Variants in GNG7 observed in about 807,000 individuals in gnomAD.
The protein encoded by GNG7 is guanine nucleotide-binding protein G(I)/G(S)/G(O) subunit gamma-7.
GNG7 carries 1 observed loss-of-function variant against 4.0 expected under a neutral mutation model. That is an observed-to-expected ratio of 0.25 (90% CI 0.09 to 1.18). The LOEUF (loss-of-function observed/expected upper bound fraction) is 1.18. Among genes scored for constraint, GNG7 ranks in the 50% most tolerant of loss-of-function variants. The pLI is 0.50. For synonymous variants in GNG7, 34 were observed against 36.9 expected (o/e 0.92, Z 0.29); for missense variants, 86 against 91.9 (o/e 0.94, Z 0.26).
chr19:2,612,429 C>A (rs183247219), intron 2 of GNG7, among the ~76,000 whole-genome samples: 2 of 152,190 alleles, frequency 1.3e-5, no homozygotes, highest in African/African-American at 4.8e-5. Context: ...GAAGGTGTGT[C>A]TGGGACCTGG....
intron 3 of GNG7, among the ~76,000 whole-genome samples, chr19:2,536,882 T>C (rs1375525077): frequency 6.6e-6 from 1 of 152,116 alleles, no homozygotes; most frequent in Non-Finnish European, 1.5e-5. Context: ...CGGACTCCAT[T>C]TGTGTATGTG....
chr19:2,513,284 A>G lies in GNG7; in HGVS notation c.*1738T>C, dbSNP rs1972681603. The G allele has an allele frequency of 1.1e-5, 4 of 354,182 alleles. No homozygotes were observed. Among genetic ancestry groups the G allele is most frequent in the Non-Finnish European group, 1.6e-5 (4 of 253,010 alleles). The allele number at this position is 354,182 out of a possible 1,614,324, so 21.9% of individuals were successfully genotyped here. On this transcript the variant is annotated 3_prime_UTR_variant, in exon 5 of 5. Transcript: ENST00000382159. ...GAACCCTCTCGGCACGGGTTCTTAG[A>G]CGCCTGTCTCCACTGGGGCCGGAGG...
intron 3 of GNG7, among the ~76,000 whole-genome samples, chr19:2,539,308 C>CT (rs869058899): frequency 0.033 from 3,942 of 117,872 alleles, 174 homozygotes; most frequent in African/African-American, 0.13. Flanking sequence ...TATATACCAA[C>CT]TTTTTTTTTT....
rs747109963 is a variant in GNG7, at chr19:2,633,963, T to C, written c.-78+12261A>G. Among the ~76,000 whole-genome samples, 13 of 152,006 alleles carry C rather than the reference T, an allele frequency of 8.6e-5. No individual in the cohort carries two copies. The highest frequency in any genetic ancestry group is 3.9e-4 in the Admixed American group (6 of 15,254). On this transcript the variant is annotated intron_variant, in intron 2 of 4. Transcript: ENST00000382159. The surrounding 1 kb of genome is among the most constrained non-coding windows in gnomAD (Gnocchi z 5.9). ...TCCTGGGTGCAAAATTGCCCCGAGTTGAGACCCCCTGGGATAGGGGATTCC... is the reference window on the plus strand; with the variant it reads ...TCCTGGGTGCAAAATTGCCCCGAGTCGAGACCCCCTGGGATAGGGGATTCC...
intron 2 of GNG7, among the ~76,000 whole-genome samples, chr19:2,596,203 A>G (rs1454341408): frequency 1.3e-5 from 2 of 151,964 alleles, no homozygotes; most frequent in African/African-American, 4.8e-5. Context: ...TACTGAAAAT[A>G]CAAAAATTAG....
At chr19:2,519,597 A>AATT (rs71178283) in intron 4 of GNG7, among the ~76,000 whole-genome samples, 1 of 140,640 alleles carries the variant, frequency 7.1e-6, no homozygotes, top group Admixed American at 7.2e-5. Flanking sequence ...CACATGCAAA[A>AATT]TTTTTTTTTT....
Position 2,568,847 on chromosome 19 carries a change from TAC to T in GNG7, c.-77-13661_-77-13660del, listed in dbSNP as rs1454082171. ...ACACAAATATATACACATATGCAAA[TAC>T]ACACAAATATACACACAAGTACACA... On this transcript the variant is annotated intron_variant, in intron 2 of 4. Coordinates refer to ENST00000382159, the MANE Select transcript of GNG7 (RefSeq NM_052847.3). 7.2e-4 allele frequency among the ~76,000 whole-genome samples: 108 copies of T among 150,838 alleles called. 2 individuals carry two copies. Among genetic ancestry groups the T allele is most frequent in the African/African-American group, 2.4e-3 (100 of 41,030 alleles).
At chr19:2,602,514 T>A (rs1981232033) in intron 2 of GNG7, among the ~76,000 whole-genome samples, 2 of 152,226 alleles carry the variant, frequency 1.3e-5, no homozygotes, top group Non-Finnish European at 2.9e-5. Context: ...AGCAGCAGGT[T>A]CTGCCAGCTC....
chr19:2,584,287 T>TAAAA (rs71337152), intron 2 of GNG7, among the ~76,000 whole-genome samples: 17,927 of 106,876 alleles, frequency 0.17, 1,645 homozygotes, highest in Non-Finnish European at 0.22. Context: ...CGCAAAGAAT[T>TAAAA]AAAAAAAAAA....
At chr19:2,582,832 C>T (rs1187700335) in intron 2 of GNG7, among the ~76,000 whole-genome samples, 1 of 152,006 alleles carries the variant, frequency 6.6e-6, no homozygotes, top group Non-Finnish European at 1.5e-5. Context: ...CCATGCCCAG[C>T]TATTTTTTGT....
intron 1 of GNG7, among the ~76,000 whole-genome samples, chr19:2,657,361 A>AAAAAAAATATATATAT (rs1555701153): frequency 6.1e-5 from 1 of 16,330 alleles, no homozygotes; most frequent in Non-Finnish European, 1.0e-4. Context: ...AAAAAAAAAA[A>AAAAAAAATATATATAT]ATATATATAT....
chr19:2,535,608 G>A (rs1234832914), intron 3 of GNG7, among the ~76,000 whole-genome samples: 1 of 152,100 alleles, frequency 6.6e-6, no homozygotes, highest in African/African-American at 2.4e-5. Flanking sequence ...CTTTGCAGAT[G>A]TCGACCTTAA....
chr19:2,534,142 T>A (rs541322545), intron 3 of GNG7, among the ~76,000 whole-genome samples: 1 of 152,316 alleles, frequency 6.6e-6, no homozygotes, highest in East Asian at 1.9e-4. Context: ...AAAATATATA[T>A]ACATCCTCAT....
At chr19:2,544,042 C>A (rs1230288167) in intron 3 of GNG7, among the ~76,000 whole-genome samples, 5 of 152,104 alleles carry the variant, frequency 3.3e-5, no homozygotes, top group South Asian at 2.1e-4. Flanking sequence ...AAAATAAACC[C>A]CAAGCAACAA....
intron 1 of GNG7, among the ~76,000 whole-genome samples, chr19:2,685,665 G>C (rs752469136): frequency 2.0e-5 from 3 of 152,204 alleles, no homozygotes; most frequent in Non-Finnish European, 2.9e-5. Context: ...AAGTGAGAGA[G>C]GGGAAGCAGC....
At position 2,512,077 on chromosome 19, in the gene GNG7, TTGTG is replaced by T. The variant is rs958410448; in HGVS notation, c.*2941_*2944del. The T allele has an allele frequency of 8.0e-5, 79 of 985,732 alleles. No homozygotes were observed. The highest frequency in any genetic ancestry group is 9.0e-5 in the Non-Finnish European group (75 of 829,938). The allele number at this position is 985,732 out of a possible 1,614,324, so 61.1% of individuals were successfully genotyped here. A position where few individuals can be genotyped will look rare whatever the true frequency, so the allele number is the denominator to read the frequency against. ...CTTCTCTCTCCCACCCGACGCTGCC[TTGTG>T]TGTGTGCGTGGGTGGGGGTGAGTGT... On this transcript the variant is annotated 3_prime_UTR_variant, in exon 5 of 5. Transcript: ENST00000382159. This position sits in a 1 kb window ranked among gnomAD's most constrained non-coding sequence, Gnocchi z 4.7.
intron 3 of GNG7, among the ~76,000 whole-genome samples, chr19:2,553,597 C>T (rs2144760359): frequency 6.7e-6 from 1 of 148,634 alleles, no homozygotes; most frequent in African/African-American, 2.5e-5. Flanking sequence ...GCACATATTA[C>T]ATGCAATATA....
chr19:2,683,131 C>T (rs184959309), intron 1 of GNG7, among the ~76,000 whole-genome samples: 91 of 152,056 alleles, frequency 6.0e-4, no homozygotes, highest in Non-Finnish European at 1.1e-3. Flanking sequence ...CCCAGCTACT[C>T]GGGACGCTGA....
At chr19:2,533,282 TAAAA>T (rs1173730034) in intron 3 of GNG7, among the ~76,000 whole-genome samples, 1 of 150,376 alleles carries the variant, frequency 6.6e-6, no homozygotes, top group Non-Finnish European at 1.5e-5. Flanking sequence ...CTCTCAAAAA[TAAAA>T]AAAGTAAAGC....
Sources: allele counts gnomAD v4.1 joint callset (sites outside exome capture counted in the v4.1 genomes callset), GRCh38; gene constraint gnomAD v4.1.1; non-coding constraint Gnocchi (gnomAD v3.1); transcripts MANE v1.5; gene names NCBI Gene and HGNC (gene_info 2026-07-23, HGNC 2026-07-21).